MAPK8IP3: variants seen among roughly 807,000 people sequenced by gnomAD.
MAPK8IP3 encodes C-Jun-amino-terminal kinase-interacting protein 3.
In MAPK8IP3, 49 loss-of-function variants were observed where a neutral mutation model predicts 157.8. That is an observed-to-expected ratio of 0.31 (90% CI 0.25 to 0.39). MAPK8IP3 has a LOEUF of 0.39. MAPK8IP3 is among the 10% of genes least tolerant of loss of function. The pLI is 1.00. For missense variants in MAPK8IP3, 1,478 were observed against 1,889.4 expected (o/e 0.78, Z 4.04); for synonymous variants, 897 against 777.7 (o/e 1.15, Z -2.55).
chr16:1,737,616 G>T (rs1193620384), intron 4 of MAPK8IP3, among the ~76,000 whole-genome samples: 1 of 96,528 alleles, frequency 1.0e-5, no homozygotes, highest in African/African-American at 4.2e-5. Flanking sequence ...GACCGTCCGT[G>T]TGTGTGACCA....
At position 1,723,575 on chromosome 16, in the gene MAPK8IP3, G is replaced by A. The variant is rs536565827; in HGVS notation, c.319-982G>A. On this transcript the variant is annotated intron_variant, in intron 1 of 31. Coordinates refer to ENST00000610761, the MANE Select transcript of MAPK8IP3 (RefSeq NM_001318852.2). ...CTCAAGGCTGCAGTGAGTTGTGATC[G>A]CACCACTGCAGTCCAGCCTCAGAGA... 1.1e-3 allele frequency among the ~76,000 whole-genome samples: 162 copies of A among 152,194 alleles called. 7 individuals are homozygous for A. In the South Asian group the frequency reaches 0.033, roughly 31 times the overall value.
Position 1,762,845 on chromosome 16 carries a change from C to A in MAPK8IP3, c.1737C>A (p.Arg579=). 1 of 1,612,280 alleles carries A rather than the reference C, an allele frequency of 6.2e-7. No homozygotes were observed. Among genetic ancestry groups the A allele is most frequent in the Non-Finnish European group, 8.5e-7 (1 of 1,179,200 alleles). ...CCTGTGCCTCTGGCAGCTTCAGCCG[C>A]CTCTTCAGCTCTTCCTCCAGCCCCC... ...KKSTIWQFFS[R]LFSSSSSPPP... The change falls in exon 16 of 32, where the codon CGC becomes CGA. Residue 579 remains arginine (R), a synonymous_variant. Transcript: ENST00000610761.
At chr16:1,764,039 C>T (rs1160411277) in intron 17 of MAPK8IP3, 76 bp from the exon 18 acceptor site, 10 of 1,407,242 alleles carry the variant, frequency 7.1e-6, no homozygotes, top group South Asian at 5.3e-5. Context: ...AGCTGGCAGC[C>T]CTACCTGTCT....
At chr16:1,731,603 T>A (rs1392921526) in intron 4 of MAPK8IP3, among the ~76,000 whole-genome samples, 1 of 152,230 alleles carries the variant, frequency 6.6e-6, no homozygotes, top group Non-Finnish European at 1.5e-5. Flanking sequence ...AGTCACCCTA[T>A]ATTTCCAACT....
At chr16:1,727,023 G>A (rs555526524) in intron 2 of MAPK8IP3, among the ~76,000 whole-genome samples, 7 of 151,562 alleles carry the variant, frequency 4.6e-5, no homozygotes, top group African/African-American at 1.5e-4. Context: ...TGCTGTGTGC[G>A]GCATCTGTGT....
intron 5 of MAPK8IP3, chr16:1,744,843 T>A (rs1173872825): frequency 1.0e-6 from 1 of 977,852 alleles, no homozygotes; most frequent in Non-Finnish European, 1.2e-6. Context: ...TTTTATTTGA[T>A]TTTTCTTTAT....
At position 1,762,995 on chromosome 16, in the gene MAPK8IP3, C is replaced by G. The variant is rs2042042244; in HGVS notation, c.1887C>G (p.Phe629Leu). Residue 629 changes from phenylalanine (F) to leucine (L), a missense_variant, in exon 16 of 32, where the codon TTC (phenylalanine) becomes TTG (leucine). This residue lies in a region of MAPK8IP3 where 669 missense variants were observed against 759.8 expected (regional missense o/e 0.88). Coordinates refer to ENST00000610761, the MANE Select transcript of MAPK8IP3 (RefSeq NM_001318852.2). ...CGGCAGGCAGCCGGCCCCTGGAATT[C>G]TTCCCTGACGAGTGAGTGTCCCGCA... ...PISAGSRPLE[F>L]FPDDDCTSSA... 1 of 1,612,844 alleles carries G rather than the reference C, an allele frequency of 6.2e-7. No homozygotes were observed. Among genetic ancestry groups the G allele is most frequent in the Non-Finnish European group, 8.5e-7 (1 of 1,179,972 alleles).
rs1200573686 is a variant in MAPK8IP3, at chr16:1,746,955, A to G, written c.748-74A>G. 16 of 1,539,206 alleles carry G rather than the reference A, an allele frequency of 1.0e-5. No homozygotes were observed. The South Asian group carries it at 2.0e-4, about 19-fold the overall frequency. On this transcript the variant is annotated intron_variant, in intron 5 of 31. Coordinates refer to ENST00000610761, the MANE Select transcript of MAPK8IP3 (RefSeq NM_001318852.2). ...GCAAAGCATTGGTGCGCGGGGCCTC[A>G]GGCAGCCACGGCGGAGCCGCAGGCC...
At chr16:1,723,926 G>A (rs1386972758) in intron 1 of MAPK8IP3, among the ~76,000 whole-genome samples, 2 of 152,238 alleles carry the variant, frequency 1.3e-5, no homozygotes, top group South Asian at 2.1e-4. Context: ...TCCAAACCTA[G>A]ACCAATCCCC....
chr16:1,766,030 C>T lies in MAPK8IP3; in HGVS notation c.2517C>T (p.Gly839=), dbSNP rs770361623. 9 of 1,612,716 alleles carry T rather than the reference C, an allele frequency of 5.6e-6. No individual in the cohort carries two copies. In the Admixed American group the frequency reaches 1.0e-4, roughly 18 times the overall value. The change falls in exon 21 of 32, where the codon GGC becomes GGT. Residue 839 remains glycine, a synonymous_variant. Coordinates refer to ENST00000610761, the MANE Select transcript of MAPK8IP3 (RefSeq NM_001318852.2). ...GCGACGTGAACCCAGAGGACCCGGG[C>T]GCAGATGGCGTGCTGGCCGGTATCA... ...LDSDVNPEDP[G]ADGVLAGITL... is the part of the protein sequence containing the mutation.
At chr16:1,737,839 CGT>C (rs766092742) in intron 4 of MAPK8IP3, among the ~76,000 whole-genome samples, 1 of 65,876 alleles carries the variant, frequency 1.5e-5, no homozygotes. Flanking sequence ...CGTGACTGTC[CGT>C]GTGTGTGACC....
chr16:1,738,862 C>T (rs562141963), intron 4 of MAPK8IP3, among the ~76,000 whole-genome samples: 13 of 126,142 alleles, frequency 1.0e-4, no homozygotes, highest in South Asian at 2.8e-4. Context: ...TGTGAGCGTC[C>T]GTGTGAGTGT....
intron 8 of MAPK8IP3, among the ~76,000 whole-genome samples, chr16:1,757,868 C>A (rs778970182): frequency 1.3e-5 from 2 of 152,174 alleles, no homozygotes; most frequent in Non-Finnish European, 2.9e-5. Flanking sequence ...TCCTGATGGG[C>A]GATGGGAGCA....
At chr16:1,746,724 G>T (rs1039575103) in intron 5 of MAPK8IP3, 2 of 409,594 alleles carry the variant, frequency 4.9e-6, no homozygotes, top group African/African-American at 2.0e-5. Context: ...CCCTGGCGAG[G>T]CACTGGCCCA....
intron 13 of MAPK8IP3, among the ~76,000 whole-genome samples, chr16:1,761,744 G>A (rs367544133): frequency 2.6e-5 from 4 of 151,090 alleles, no homozygotes; most frequent in African/African-American, 4.9e-5. Context: ...TTCACACGCC[G>A]GGTGACCACT....
At chr16:1,762,204 G>A in intron 13 of MAPK8IP3, 147 bp from the exon 14 acceptor site, 1 of 1,077,794 alleles carries the variant, frequency 9.3e-7, no homozygotes, top group Non-Finnish European at 1.3e-6. Flanking sequence ...CTCCCCGCTT[G>A]CCGACACCCC....
Position 1,768,858 on chromosome 16 carries a change from GGACCCCCGACCACCT to G in MAPK8IP3, c.*43_*57del. The G allele has an allele frequency of 6.2e-7, 1 of 1,604,744 alleles. No homozygotes were observed. The highest frequency in any genetic ancestry group is 1.1e-5 in the South Asian group (1 of 90,942). ...CCCTGCCTGGCCCGACCTGTACATA[GGACCCCCGACCACCT>G]GACCCCCGCCCGGCCCGCGGGGTAG... On this transcript the variant is annotated 3_prime_UTR_variant, in exon 32 of 32. Coordinates refer to ENST00000610761, the MANE Select transcript of MAPK8IP3 (RefSeq NM_001318852.2).
At chr16:1,748,061 C>T (rs919068894) in intron 6 of MAPK8IP3, among the ~76,000 whole-genome samples, 183 bp from the exon 7 acceptor site, 12 of 152,214 alleles carry the variant, frequency 7.9e-5, no homozygotes, top group African/African-American at 2.9e-4. Flanking sequence ...CCGCCTCAGA[C>T]GTCTACTGTG....
chr16:1,765,912 CA>C, intron 20 of MAPK8IP3, 47 bp from the exon 21 acceptor site: 1 of 1,536,070 alleles, frequency 6.5e-7, no homozygotes, highest in Non-Finnish European at 8.9e-7. Context: ...CACGCCCTTG[CA>C]GTAGTGGGTT....
Sources: gnomAD v4.1 joint callset for allele counts (sites outside exome capture counted in the v4.1 genomes callset) on GRCh38, gnomAD v4.1.1 for gene constraint, gnomAD v4.1.1 regional missense constraint, MANE v1.5 for transcripts, NCBI Gene and HGNC (gene_info 2026-07-23, HGNC 2026-07-21) for gene names.